MVB12A: variants seen among roughly 807,000 people sequenced by gnomAD.
MVB12A encodes the protein CIN85/CD2AP family binding protein.
MVB12A carries 30 observed loss-of-function variants against 34.3 expected under a neutral mutation model. The observed-to-expected ratio is 0.88, with a 90% CI of 0.65 to 1.19. The LOEUF (loss-of-function observed/expected upper bound fraction) is 1.19. MVB12A is among the 50% of genes most tolerant of loss of function. The pLI is 0.00. For synonymous variants in MVB12A, 158 were observed against 158.9 expected (o/e 0.99, Z 0.04); for missense variants, 355 against 369.2 (o/e 0.96, Z 0.31).
Position 17,410,537 on chromosome 19 carries a change from C to CATATATAT in MVB12A, c.-5+4242_-5+4243insTATATATA, listed in dbSNP as rs1386001180. ...ATATATATATATATATATACACACA[C>CATATATAT]ACATATATATATACACACACATATA... is the stretch of plus-strand genomic sequence containing the variant. On this transcript the variant is annotated intron_variant, in intron 2 of 6. Transcript: ENST00000528604. 4.1e-3 allele frequency among the ~76,000 whole-genome samples: 291 copies of CATATATAT among 71,462 alleles called. 2 individuals are homozygous for CATATATAT. Among genetic ancestry groups the CATATATAT allele is most frequent in the African/African-American group, 0.018 (263 of 14,838 alleles). The allele number at this position is 71,462 out of a possible 152,430, so 46.9% of individuals were successfully genotyped here.
At chr19:17,411,911 G>A (rs529963227) in intron 2 of MVB12A, among the ~76,000 whole-genome samples, 19 of 152,236 alleles carry the variant, frequency 1.2e-4, no homozygotes, top group Non-Finnish European at 2.1e-4. Flanking sequence ...TGTGGCCCCG[G>A]ATGGGCTTCT....
intron 7 of MVB12A, 117 bp from the exon 8 acceptor site, chr19:17,424,504 G>A: frequency 9.6e-7 from 1 of 1,043,974 alleles, no homozygotes. Context: ...TAAGGGGGAG[G>A]GATGTCCGAG....
At chr19:17,410,496 T>TTATATATGTGTGTATATA (rs1568387298) in intron 2 of MVB12A, among the ~76,000 whole-genome samples, 31 of 31,504 alleles carry the variant, frequency 9.8e-4, no homozygotes, top group African/African-American at 2.5e-3. Flanking sequence ...GGTTTTAGCT[T>TTATATATGTGTGTATATA]CATATATATA....
chr19:17,422,244 C>T, intron 3 of MVB12A, 88 bp from the exon 4 acceptor site: 2 of 1,362,634 alleles, frequency 1.5e-6, no homozygotes, highest in Admixed American at 2.1e-5. Flanking sequence ...TTAAACAGCA[C>T]CCTGGCGAGC....
At chr19:17,407,360 C>G (rs1450860525) in intron 2 of MVB12A, among the ~76,000 whole-genome samples, 1 of 152,148 alleles carries the variant, frequency 6.6e-6, no homozygotes, top group East Asian at 1.9e-4. Context: ...CGGGGGACCA[C>G]TACCAGCAAT....
Position 17,425,190 on chromosome 19 carries a change from TG to T in MVB12A, c.*201del. 1.8e-6 allele frequency: 1 copy of T among 542,246 alleles called. No homozygotes were observed. The highest frequency in any genetic ancestry group is 1.9e-5 in the African/African-American group (1 of 51,340). The allele number at this position is 542,246 out of a possible 1,614,324, so 33.6% of individuals were successfully genotyped here. ...GGGGCGGGTCGAGGCTGCGTGGTGATGGGGTCTCCGCCCCCACGCCCTGCCG... is the reference window on the plus strand; with the variant it reads ...GGGGCGGGTCGAGGCTGCGTGGTGATGGGTCTCCGCCCCCACGCCCTGCCG... On this transcript the variant is annotated 3_prime_UTR_variant, in exon 9 of 9. Transcript: ENST00000317040.
chr19:17,412,469 G>A (rs2074775355), intron 2 of MVB12A, among the ~76,000 whole-genome samples: 1 of 151,998 alleles, frequency 6.6e-6, no homozygotes, highest in South Asian at 2.1e-4. Flanking sequence ...GTTTCACCAT[G>A]TTGGCCAGGC....
intron 2 of MVB12A, among the ~76,000 whole-genome samples, chr19:17,410,020 G>A (rs1280170614): frequency 6.6e-6 from 1 of 150,952 alleles, no homozygotes; most frequent in African/African-American, 2.4e-5. Flanking sequence ...GCCTCCCAAA[G>A]TACTGCGATT....
Position 17,424,981 on chromosome 19 carries a change from C to T in MVB12A, c.810C>T (p.Pro270=), listed in dbSNP as rs929143814. The T allele has an allele frequency of 3.7e-6, 6 of 1,609,476 alleles. No individual in the cohort carries two copies. Among genetic ancestry groups the T allele is most frequent in the Non-Finnish European group, 5.1e-6 (6 of 1,177,076 alleles). ...VEKTAAARLP[P]SVS is the part of the protein sequence containing the mutation. ...AGACCGCGGCTGCCCGCCTGCCCCC[C>T]AGCGTCTCATAGTCCCTCACCCTTC... The change falls in exon 9 of 9, where the codon CCC becomes CCT. Residue 270 remains proline (P), a synonymous_variant. Transcript: ENST00000317040.
intron 7 of MVB12A, among the ~76,000 whole-genome samples, 192 bp downstream of exon 7, chr19:17,424,259 G>C (rs2074856448): frequency 6.6e-6 from 1 of 152,222 alleles, no homozygotes; most frequent in Non-Finnish European, 1.5e-5. Flanking sequence ...GAAAGCAGCT[G>C]GACACCAGTA....
intron 2 of MVB12A, among the ~76,000 whole-genome samples, chr19:17,407,436 G>C (rs950286805): frequency 2.0e-5 from 3 of 152,288 alleles, no homozygotes; most frequent in Admixed American, 6.5e-5. Context: ...CAAAGCAAAA[G>C]GGGCAGGGTA....
intron 2 of MVB12A, among the ~76,000 whole-genome samples, chr19:17,408,057 A>G (rs1357110103): frequency 3.3e-5 from 5 of 152,244 alleles, no homozygotes; most frequent in Admixed American, 3.3e-4. Context: ...TTCCTAGGTT[A>G]TGATTGTAGA....
At position 17,420,582 on chromosome 19, in the gene MVB12A, C is replaced by A; in HGVS notation, c.234C>A (p.Asp78Glu). The change falls in exon 3 of 9, where the codon GAC becomes GAA. Residue 78 changes from aspartate to glutamate, a missense_variant. Physicochemically the swap from Asp to Glu is conservative, Grantham distance 45. Transcript: ENST00000317040. ...TGGCCGATATCCAGATCGTGGTGGA[C>A]AAGAGCCCCCTGCCGCTGGGCTTCT... ...NVVADIQIVV[D>E]KSPLPLGFSP... 6.2e-7 allele frequency: 1 copy of A among 1,613,936 alleles called. No individual in the cohort carries two copies. The highest frequency in any genetic ancestry group is 2.2e-5 in the East Asian group (1 of 44,884).
At chr19:17,424,172 G>C in intron 7 of MVB12A, 105 bp downstream of exon 7, 1 of 1,170,658 alleles carries the variant, frequency 8.5e-7, no homozygotes, top group South Asian at 1.3e-5. Flanking sequence ...CACATCCTGG[G>C]TTGGGGCTGG....
At position 17,410,371 on chromosome 19, in the gene MVB12A, A is replaced by G. The variant is rs116598921; in HGVS notation, c.-5+4075A>G. Among the ~76,000 whole-genome samples the G allele has an allele frequency of 6.8e-3, 1,020 of 150,106 alleles. 9 individuals carry two copies. Among genetic ancestry groups the G allele is most frequent in the African/African-American group, 0.024 (972 of 40,668 alleles). ...TTTTTGTAGAGATGGGGGTCTCAGT[A>G]TGTTTCCCAGGCTGGTCTCAAACTC... On this transcript the variant is annotated intron_variant, in intron 2 of 6. Transcript: ENST00000528604.
intron 8 of MVB12A, 105 bp downstream of exon 8, chr19:17,424,782 T>TCC (rs2074860122): frequency 6.9e-7 from 1 of 1,455,110 alleles, no homozygotes; most frequent in African/African-American, 1.4e-5. Flanking sequence ...GTTTTCCCCA[T>TCC]CCCCGCTTTG....
In MVB12A at chr19:17,423,816, G is replaced by T; in HGVS notation, c.640+17G>T. 6.2e-7 allele frequency: 1 copy of T among 1,610,428 alleles called. No homozygotes were observed. The highest frequency in any genetic ancestry group is 8.5e-7 in the Non-Finnish European group (1 of 1,176,870). On this transcript the variant is annotated intron_variant, in intron 6 of 8. Coordinates refer to ENST00000317040, the MANE Select transcript of MVB12A (RefSeq NM_138401.4). ...GCATCTCAGGTGAGCACAGAGTGGG[G>T]AAACTGAGGCGTGGAAGTGGAGGGT...
upstream of MVB12A, chr19:17,417,190 G>A: frequency 5.8e-6 from 1 of 173,518 alleles, no homozygotes; most frequent in Admixed American, 6.0e-5. Context: ...TGTCACTTCA[G>A]CTATTCCACA....
chr19:17,413,452 T>A (rs2074781133), intron 2 of MVB12A: 1 of 152,294 alleles, frequency 6.6e-6, no homozygotes, highest in African/African-American at 2.4e-5. Context: ...CTCAGCCTCC[T>A]GAGTAGCTGG....
Sources: allele counts gnomAD v4.1 joint callset (sites outside exome capture counted in the v4.1 genomes callset), GRCh38; gene constraint gnomAD v4.1.1; transcripts MANE v1.5; gene names NCBI Gene and HGNC (gene_info 2026-07-23, HGNC 2026-07-21).